The following FHIT variants were observed in gnomAD, a reference collection of about 807,000 sequenced individuals.
FHIT encodes the protein fragile histidine triad diadenosine triphosphatase.
A neutral mutation model predicts 17.9 loss-of-function variants in FHIT; 19 were observed. The observed-to-expected ratio is 1.06, with a 90% CI of 0.74 to 1.56. The LOEUF is 1.56. FHIT is among the 40% of genes most tolerant of loss of function. The pLI is 0.00. For missense variants in FHIT, 248 were observed against 189.2 expected (o/e 1.31, Z -1.82); for synonymous variants, 81 against 69.7 (o/e 1.16, Z -0.81).
chr3:60,564,090 A>C (rs2037049214), intron 4 of FHIT, among the ~76,000 whole-genome samples: 1 of 152,132 alleles, frequency 6.6e-6, no homozygotes, highest in African/African-American at 2.4e-5. Flanking sequence ...GGTGACTTTA[A>C]GTTGAAGTCA....
intron 8 of FHIT, among the ~76,000 whole-genome samples, chr3:59,753,034 C>CATTT (rs1701006569): frequency 6.6e-6 from 1 of 152,134 alleles, no homozygotes. Context: ...AGGCATCATT[C>CATTT]ATTTATTTTA....
At chr3:60,192,510 G>A (rs565982887) in intron 5 of FHIT, among the ~76,000 whole-genome samples, 3 of 152,206 alleles carry the variant, frequency 2.0e-5, no homozygotes, top group South Asian at 4.2e-4. Flanking sequence ...CTGTATGGGT[G>A]GACACGTAAC....
At chr3:60,814,869 T>A (rs1341935032) in intron 4 of FHIT, among the ~76,000 whole-genome samples, 1 of 148,752 alleles carries the variant, frequency 6.7e-6, no homozygotes, top group Non-Finnish European at 1.5e-5. Context: ...CACCAACATG[T>A]GGTTTTTTTT....
At chr3:60,048,764 G>A (rs548139416) in intron 5 of FHIT, among the ~76,000 whole-genome samples, 4 of 152,246 alleles carry the variant, frequency 2.6e-5, no homozygotes, top group South Asian at 4.1e-4. Context: ...TCAGGTAAAC[G>A]TCCTTTGATC....
At chr3:60,976,789 A>G (rs1046393182) in intron 3 of FHIT, among the ~76,000 whole-genome samples, 5 of 152,114 alleles carry the variant, frequency 3.3e-5, no homozygotes, top group Non-Finnish European at 2.9e-5. Context: ...TCCTTCCTCA[A>G]TATTTTCTTT....
At chr3:60,766,573 A>AT (rs1337870020) in intron 4 of FHIT, among the ~76,000 whole-genome samples, 1 of 152,192 alleles carries the variant, frequency 6.6e-6, no homozygotes, top group Non-Finnish European at 1.5e-5. Flanking sequence ...ATCCTATAAC[A>AT]TCTCAACAGA....
At chr3:61,053,065 T>C (rs1356590144) in intron 2 of FHIT, among the ~76,000 whole-genome samples, 1 of 152,122 alleles carries the variant, frequency 6.6e-6, no homozygotes, top group East Asian at 1.9e-4. Flanking sequence ...TGAATAATAA[T>C]GAAACCAGGG....
At chr3:60,561,824 C>T (rs1375351216) in intron 4 of FHIT, among the ~76,000 whole-genome samples, 1 of 151,600 alleles carries the variant, frequency 6.6e-6, no homozygotes, top group East Asian at 1.9e-4. Context: ...TAGTCAGGCA[C>T]CATTCTTAAT....
chr3:61,069,326 T>C (rs1457350619), intron 2 of FHIT, among the ~76,000 whole-genome samples: 2 of 152,200 alleles, frequency 1.3e-5, no homozygotes, highest in African/African-American at 4.8e-5. Context: ...TGGCTGCATA[T>C]TGAAATCATC....
intron 2 of FHIT, among the ~76,000 whole-genome samples, chr3:61,114,871 T>C (rs2106901580): frequency 6.6e-6 from 1 of 152,278 alleles, no homozygotes; most frequent in Middle Eastern, 3.4e-3. Flanking sequence ...CCACCTACAG[T>C]AGCTCCCCAA....
At chr3:60,208,436 C>T (rs1253050650) in intron 5 of FHIT, among the ~76,000 whole-genome samples, 1 of 152,118 alleles carries the variant, frequency 6.6e-6, no homozygotes, top group African/African-American at 2.4e-5. Flanking sequence ...ATATAAAAGT[C>T]AAACTTTTCT....
intron 4 of FHIT, among the ~76,000 whole-genome samples, chr3:60,653,003 C>T (rs1288361858): frequency 5.9e-5 from 9 of 152,080 alleles, no homozygotes; most frequent in African/African-American, 2.2e-4. Context: ...TGCACACACC[C>T]TAAACTGAAA....
Position 60,741,689 on chromosome 3 carries a change from CCTT to C in FHIT, c.-18+80227_-18+80229del, listed in dbSNP as rs2042244821. On this transcript the variant is annotated intron_variant, in intron 4 of 9. Transcript: ENST00000492590. ...TGCCTGAAATGCCCTTTCTCCTTCT[CCTT>C]CTTATCCATTCATTAGGATCTAGCA... Among the ~76,000 whole-genome samples the C allele has an allele frequency of 2.0e-5, 3 of 152,306 alleles. No homozygotes were observed. In the South Asian group the frequency reaches 6.2e-4, roughly 32 times the overall value.
intron 5 of FHIT, among the ~76,000 whole-genome samples, chr3:60,086,302 A>G (rs1703490959): frequency 6.6e-6 from 1 of 152,184 alleles, no homozygotes; most frequent in African/African-American, 2.4e-5. Flanking sequence ...CCCACCTCCC[A>G]TCATTGGGGA....
At chr3:60,685,533 C>G (rs935807900) in intron 4 of FHIT, among the ~76,000 whole-genome samples, 6 of 152,034 alleles carry the variant, frequency 3.9e-5, no homozygotes, top group Non-Finnish European at 5.9e-5. Flanking sequence ...TGATCTGGAG[C>G]CATATAGAAA....
chr3:61,146,042 GCT>G (rs1246542910), intron 2 of FHIT, among the ~76,000 whole-genome samples: 5 of 151,894 alleles, frequency 3.3e-5, no homozygotes, highest in Admixed American at 3.3e-4. Context: ...TCTGCCCTAA[GCT>G]CTCATTCAGT....
intron 5 of FHIT, among the ~76,000 whole-genome samples, chr3:60,449,687 C>T (rs2031588521): frequency 6.6e-6 from 1 of 151,826 alleles, no homozygotes; most frequent in South Asian, 2.1e-4. Context: ...TGTATCAAAA[C>T]ATAAAAAAGA....
intron 5 of FHIT, among the ~76,000 whole-genome samples, chr3:60,372,375 T>G (rs1394075715): frequency 6.6e-6 from 1 of 152,168 alleles, no homozygotes; most frequent in Non-Finnish European, 1.5e-5. Flanking sequence ...CATTGGAAGG[T>G]TAATCTGATT....
intron 3 of FHIT, among the ~76,000 whole-genome samples, chr3:60,906,736 T>C (rs1706447003): frequency 6.6e-6 from 1 of 152,242 alleles, no homozygotes; most frequent in African/African-American, 2.4e-5. Context: ...TATATCATTT[T>C]GTGGAACTTC....
Sources: gnomAD v4.1 joint callset for allele counts (sites outside exome capture counted in the v4.1 genomes callset) on GRCh38, gnomAD v4.1.1 for gene constraint, MANE v1.5 for transcripts, NCBI Gene and HGNC (gene_info 2026-07-23, HGNC 2026-07-21) for gene names.